PTPRC: variants seen among roughly 807,000 people sequenced by gnomAD.
PTPRC encodes the protein receptor-type tyrosine-protein phosphatase C.
Under a neutral mutation model 155.9 loss-of-function variants are expected in PTPRC, and 44 were observed. The ratio of observed to expected loss-of-function variants is 0.28; its 90% confidence interval spans 0.22 to 0.36. PTPRC has a LOEUF of 0.36. Ranked by LOEUF, PTPRC falls within the 10% of genes least tolerant of loss-of-function variation. The probability of loss-of-function intolerance (pLI) is 1.00; values close to 1 mark genes in which losing one functional copy is unlikely to be tolerated. For missense variants in PTPRC, 1,401 were observed against 1,564.6 expected, an observed-to-expected ratio of 0.90 and a Z score of 1.76; for synonymous variants, 525 against 533.1, an observed-to-expected ratio of 0.98 and a Z score of 0.21.
At chr1:198,730,445 C>G (rs1489333762) in intron 17 of PTPRC, among the ~76,000 whole-genome samples, 1 of 152,076 alleles carries the variant, frequency 6.6e-6, no homozygotes, top group African/African-American at 2.4e-5. Context: ...TTATTCACTG[C>G]TTTATGCCCA....
chr1:198,718,118 C>T lies in PTPRC; in HGVS notation c.1475C>T (p.Thr492Ile). The T allele has an allele frequency of 6.2e-7, 1 of 1,613,644 alleles. No individual in the cohort carries two copies. Among genetic ancestry groups the T allele is most frequent in the Admixed American group, 1.7e-5 (1 of 60,026 alleles). ...GCTCCAAGCCAGGTCTGGAACATGA[C>T]TGTCTCCATGACATCAGATAATAGT... ...SAPPSQVWNM[T>I]VSMTSDNSMH... The change falls in exon 14 of 33, where the codon ACT becomes ATT. Residue 492 changes from threonine (T) to isoleucine (I), a missense_variant. By Grantham distance (89) the Thr-to-Ile change is moderately conservative (BLOSUM62 -1). Around this residue, in one of 3 missense-constraint regions of PTPRC, gnomAD observed 867 missense variants for 970.4 expected, o/e 0.89. Coordinates refer to ENST00000442510, the MANE Select transcript of PTPRC (RefSeq NM_002838.5).
chr1:198,737,789 T>C (rs1269583297), intron 23 of PTPRC, among the ~76,000 whole-genome samples: 3 of 151,824 alleles, frequency 2.0e-5, no homozygotes, highest in Non-Finnish European at 4.4e-5. Flanking sequence ...TTTCAATTCA[T>C]GAACATGGAA....
At chr1:198,640,171 C>A (rs1296966629) in intron 2 of PTPRC, among the ~76,000 whole-genome samples, 1 of 151,784 alleles carries the variant, frequency 6.6e-6, no homozygotes, top group South Asian at 2.1e-4. Context: ...AGTTCTTGAG[C>A]GGCGTCAATA....
chr1:198,686,386 G>A (rs1665626133), intron 2 of PTPRC, among the ~76,000 whole-genome samples: 1 of 152,036 alleles, frequency 6.6e-6, no homozygotes, highest in Non-Finnish European at 1.5e-5. Context: ...AGACATTTAA[G>A]TTTTAAAAAA....
In PTPRC at chr1:198,755,815, A is replaced by AT. The variant is rs1655619715; in HGVS notation, c.3646-90dup. 27 of 1,348,396 alleles carry AT rather than the reference A, an allele frequency of 2.0e-5. No individual in the cohort carries two copies. In the South Asian group the frequency reaches 2.4e-4, roughly 12 times the overall value. 83.5% of individuals were successfully genotyped at this position (1,348,396 alleles called of 1,614,324 possible). A position where few individuals can be genotyped will look rare whatever the true frequency, so the allele number is the denominator to read the frequency against. On this transcript the variant is annotated intron_variant, in intron 32 of 32. Coordinates refer to ENST00000442510, the MANE Select transcript of PTPRC (RefSeq NM_002838.5). ...TTTCTGTCATCCAATACTTCCACAAATAAATCATTAGTTCTTGCTAATCTT... is the reference window on the plus strand; with the variant it reads ...TTTCTGTCATCCAATACTTCCACAAATTAAATCATTAGTTCTTGCTAATCTT...
At chr1:198,667,264 G>A (rs1664371551) in intron 2 of PTPRC, among the ~76,000 whole-genome samples, 1 of 152,182 alleles carries the variant, frequency 6.6e-6, no homozygotes, top group Admixed American at 6.5e-5. Flanking sequence ...GAGGTGGGAA[G>A]GAGTCCCTGA....
At position 198,755,996 on chromosome 1, in the gene PTPRC, A is replaced by C. The variant is rs1655632255; in HGVS notation, c.3736A>C (p.Ile1246Leu). Residue 1246 changes from isoleucine (I) to leucine (L), a missense_variant, in exon 33 of 33, where the codon ATT (isoleucine) becomes CTT (leucine). Physicochemically the swap from Ile to Leu is conservative, Grantham distance 5. Coordinates refer to ENST00000442510, the MANE Select transcript of PTPRC (RefSeq NM_002838.5). Reference sequence around the variant, plus strand: ...GAAAAACAACCATCAAGAAGATAAAATTGAATTTGATAATGAAGTGGACAA... The same window carrying C: ...GAAAAACAACCATCAAGAAGATAAACTTGAATTTGATAATGAAGTGGACAA... ...VKKNNHQEDK[I>L]EFDNEVDKVK... 3 of 1,613,370 alleles carry C rather than the reference A, an allele frequency of 1.9e-6. No homozygotes were observed. In the African/African-American group the frequency reaches 4.0e-5, roughly 22 times the overall value.
chr1:198,754,265 A>T lies in PTPRC; in HGVS notation c.3510-4A>T, dbSNP rs369995880. 2.5e-6 allele frequency: 4 copies of T among 1,606,880 alleles called. No individual in the cohort carries two copies. The highest frequency in any genetic ancestry group is 2.6e-6 in the Non-Finnish European group (3 of 1,174,112). On this transcript the variant is annotated splice_polypyrimidine_tract_variant and splice_region_variant and intron_variant, in intron 31 of 32. Transcript: ENST00000442510. ...TTATTTTCTATCTTTTCTTTCTTTT[A>T]TAGGGATGGATCTCAGCAAACGGGA... is the stretch of plus-strand genomic sequence containing the variant.
rs1654238675 is a variant in PTPRC, at chr1:198,728,378, A to G, written c.1759A>G (p.Ile587Val). ...KALIAFLAFL[I>V]IVTSIALLVV... ...ACTGATAGCATTTCTGGCATTTCTGATTATTGTGACATCAATAGCCCTGCT... is the reference window on the plus strand; with the variant it reads ...ACTGATAGCATTTCTGGCATTTCTGGTTATTGTGACATCAATAGCCCTGCT... Residue 587 changes from isoleucine to valine, a missense_variant, in exon 16 of 33, where the codon ATT becomes GTT. Ile to Val is a conservative substitution (Grantham distance 29). Transcript: ENST00000442510. 2 of 1,613,122 alleles carry G rather than the reference A, an allele frequency of 1.2e-6. No individual in the cohort carries two copies. The highest frequency in any genetic ancestry group is 8.5e-7 in the Non-Finnish European group (1 of 1,179,568).
chr1:198,688,352 A>G (rs1298819668), intron 2 of PTPRC, among the ~76,000 whole-genome samples: 1 of 152,182 alleles, frequency 6.6e-6, no homozygotes, highest in Non-Finnish European at 1.5e-5. Flanking sequence ...ATTTTGCTGC[A>G]TTAAAGATGA....
intron 2 of PTPRC, among the ~76,000 whole-genome samples, chr1:198,644,751 A>G (rs1423732653): frequency 6.6e-6 from 1 of 151,844 alleles, no homozygotes; most frequent in Non-Finnish European, 1.5e-5. Flanking sequence ...CAATTGATTG[A>G]TTTCTTAACA....
At chr1:198,730,386 C>G (rs1362041935) in intron 17 of PTPRC, among the ~76,000 whole-genome samples, 1 of 152,136 alleles carries the variant, frequency 6.6e-6, no homozygotes, top group Non-Finnish European at 1.5e-5. Context: ...CATTGACTAT[C>G]CTCTCCTAAC....
rs758264225 is a variant in PTPRC, at chr1:198,696,835, C to T, written c.224C>T (p.Ser75Phe). 3 of 1,614,082 alleles carry T rather than the reference C, an allele frequency of 1.9e-6. No individual in the cohort carries two copies. Among genetic ancestry groups the T allele is most frequent in the East Asian group, 2.2e-5 (1 of 44,872 alleles). Residue 75 changes from serine to phenylalanine, a missense_variant, in exon 4 of 33, where the codon TCT becomes TTT. By Grantham distance (155) the Ser-to-Phe change is radical (BLOSUM62 -2). This residue lies in a region of PTPRC where 867 missense variants were observed against 970.4 expected (regional missense o/e 0.89). Coordinates refer to ENST00000442510, the MANE Select transcript of PTPRC (RefSeq NM_002838.5). Reference sequence around the variant, plus strand: ...AATGACTTCTCAGAGACCACAACTTCTCTTAGTCCAGACAATACTTCCACC... The same window carrying T: ...AATGACTTCTCAGAGACCACAACTTTTCTTAGTCCAGACAATACTTCCACC... ...RENDFSETTT[S>F]LSPDNTSTQV...
intron 2 of PTPRC, among the ~76,000 whole-genome samples, chr1:198,642,892 T>TTTTCTTTCTTCCTTCCTTTCTTTC (rs1287327143): frequency 3.4e-5 from 4 of 119,096 alleles, no homozygotes; most frequent in Non-Finnish European, 3.6e-5. Flanking sequence ...ATCTTTTTTC[T>TTTTCTTTCTTCCTTCCTTTCTTTC]TTTCTTTCTT....
chr1:198,701,252 T>C (rs1468534984), intron 5 of PTPRC, among the ~76,000 whole-genome samples: 1 of 152,218 alleles, frequency 6.6e-6, no homozygotes, highest in South Asian at 2.1e-4. Context: ...TTTTCAATTC[T>C]AATGGAATGT....
intron 2 of PTPRC, among the ~76,000 whole-genome samples, chr1:198,670,234 A>G (rs1664565889): frequency 6.6e-6 from 1 of 152,160 alleles, no homozygotes; most frequent in Admixed American, 6.6e-5. Flanking sequence ...TATTTTCCTT[A>G]GCATTTTTAA....
chr1:198,664,562 T>C (rs3738388), intron 2 of PTPRC, among the ~76,000 whole-genome samples: 16,816 of 152,214 alleles, frequency 0.11, 1,431 homozygotes, highest in African/African-American at 0.22. Context: ...GTCATGTTAC[T>C]TGATGACAAA....
intron 10 of PTPRC, 109 bp from the exon 11 acceptor site, chr1:198,709,578 T>G: frequency 1.0e-6 from 1 of 985,068 alleles, no homozygotes; most frequent in Non-Finnish European, 1.4e-6. Flanking sequence ...CCACAGATGT[T>G]TCAATCTGAT....
intron 3 of PTPRC, 60 bp from the exon 4 acceptor site, chr1:198,696,652 C>G (rs1666216665): frequency 7.1e-7 from 1 of 1,400,870 alleles, no homozygotes; most frequent in African/African-American, 1.4e-5. Context: ...GAGGAGCATA[C>G]ATTTAGGGTA....
Sources: gnomAD v4.1 joint callset for allele counts (sites outside exome capture counted in the v4.1 genomes callset) on GRCh38, gnomAD v4.1.1 for gene constraint, gnomAD v4.1.1 regional missense constraint, MANE v1.5 for transcripts, NCBI Gene and HGNC (gene_info 2026-07-23, HGNC 2026-07-21) for gene names.